RCCD1: variants seen among roughly 807,000 people sequenced by gnomAD.
RCCD1 encodes the protein RCC1 domain containing 1.
In RCCD1, 40 loss-of-function variants were observed where a neutral mutation model predicts 37.6. The ratio of observed to expected loss-of-function variants is 1.06; its 90% CI spans 0.83 to 1.39. The LOEUF (loss-of-function observed/expected upper bound fraction) is 1.39. Among genes scored for constraint, RCCD1 ranks in the 40% most tolerant of loss-of-function variants. The pLI is 0.00. For synonymous variants in RCCD1, 263 were observed against 230.0 expected, an observed-to-expected ratio of 1.14 and a Z score of -1.30; for missense variants, 577 against 517.3, an observed-to-expected ratio of 1.12 and a Z score of -1.12.
Position 90,956,620 on chromosome 15 carries a change from G to C in RCCD1, c.-115G>C. ...GTTTCTCCATTTTACAGATAAGGCA[G>C]CTCCAGCCCCTGGAAGGCCAGAGAC... On this transcript the variant is annotated 5_prime_UTR_variant, in exon 2 of 8. Coordinates refer to ENST00000394258, the MANE Select transcript of RCCD1 (RefSeq NM_001017919.2). The C allele has an allele frequency of 3.1e-6, 3 of 981,068 alleles. No individual in the cohort carries two copies. The highest frequency in any genetic ancestry group is 2.6e-6 in the Non-Finnish European group (2 of 759,614). 60.8% of individuals were successfully genotyped at this position (981,068 alleles called of 1,614,324 possible). A position where few individuals can be genotyped will look rare whatever the true frequency, so the allele number is the denominator to read the frequency against.
intron 3 of RCCD1, 26 bp from the exon 4 acceptor site, chr15:90,957,578 A>C: frequency 6.2e-7 from 1 of 1,613,710 alleles, no homozygotes; most frequent in Non-Finnish European, 8.5e-7. Flanking sequence ...ATGCGACTGT[A>C]GCTGACGACG....
chr15:90,961,564 A>C lies in RCCD1; in HGVS notation c.980-54A>C, dbSNP rs1354164765. 3 of 1,562,502 alleles carry C rather than the reference A, an allele frequency of 1.9e-6. No individual in the cohort carries two copies. In the African/African-American group the frequency reaches 4.1e-5, roughly 21 times the overall value. On this transcript the variant is annotated intron_variant, in intron 7 of 7. Coordinates refer to ENST00000394258, the MANE Select transcript of RCCD1 (RefSeq NM_001017919.2). ...TAGTCTGGGCCCCTTCCTGGAGGGA[A>C]AGCAGCAGCAAGACCCAGTGGAGAC...
At chr15:90,956,951 G>T (rs773345233) in intron 2 of RCCD1, 51 bp downstream of exon 2, 2 of 1,263,042 alleles carry the variant, frequency 1.6e-6, no homozygotes, top group East Asian at 6.3e-5. Context: ...CTCCCCAGTC[G>T]CCTCCCCGCA....
chr15:90,959,952 G>T lies in RCCD1; in HGVS notation c.732G>T (p.Leu244=), dbSNP rs2037280240. 1.2e-6 allele frequency: 2 copies of T among 1,613,760 alleles called. No individual in the cohort carries two copies. The highest frequency in any genetic ancestry group is 1.7e-6 in the Non-Finnish European group (2 of 1,179,890). Residue 244 remains leucine, a synonymous_variant, in exon 5 of 8, where the codon CTG becomes CTT. Coordinates refer to ENST00000394258, the MANE Select transcript of RCCD1 (RefSeq NM_001017919.2). The part of the protein sequence containing the change: ...WGWNESGQLA[L]PTRNLAEDGE... ...GGAATGAATCAGGGCAGCTGGCCCT[G>T]CCCACCAGGAACCTGGCAGAGGATG...
At chr15:90,958,272 TTGTC>T (rs902511857) in intron 4 of RCCD1, among the ~76,000 whole-genome samples, 26 of 152,092 alleles carry the variant, frequency 1.7e-4, no homozygotes, top group African/African-American at 6.3e-4. Context: ...CAGATGATCT[TTGTC>T]TGTGTCTGGG....
In RCCD1 at chr15:90,956,838, T is replaced by TGCGG. The variant is rs1020521754; in HGVS notation, c.112_115dup (p.Val39GlyfsTer91). ...CGCCAGGTGCACAGCCCCAGTCCGC[T>TGCGG]GCGGGCGGGCGTCGACATCTGCCGC... On this transcript the variant is annotated frameshift_variant, in exon 2 of 8. Coordinates refer to ENST00000394258, the MANE Select transcript of RCCD1 (RefSeq NM_001017919.2). LOFTEE classifies it high-confidence loss of function. 23 of 1,296,956 alleles carry TGCGG rather than the reference T, an allele frequency of 1.8e-5. No individual in the cohort carries two copies. The highest frequency in any genetic ancestry group is 1.9e-5 in the Non-Finnish European group (19 of 1,022,482). The allele number at this position is 1,296,956 out of a possible 1,614,324, so 80.3% of individuals were successfully genotyped here. A position where few individuals can be genotyped will look rare whatever the true frequency, so the allele number is the denominator to read the frequency against.
At chr15:90,960,968 A>G in intron 6 of RCCD1, 57 bp from the exon 7 acceptor site, 1 of 1,577,484 alleles carries the variant, frequency 6.3e-7, no homozygotes, top group Non-Finnish European at 8.7e-7. Flanking sequence ...GCTGGGCTGG[A>G]CAGATGCCTT....
At chr15:90,959,780 G>T in intron 4 of RCCD1, 120 bp from the exon 5 acceptor site, 1 of 722,016 alleles carries the variant, frequency 1.4e-6, no homozygotes. Context: ...TTGGCCTGGA[G>T]TGCTACCTTG....
In RCCD1 at chr15:90,956,757, C is replaced by A. The variant is rs1245579377; in HGVS notation, c.23C>A (p.Ala8Asp). Reference protein sequence around the residue: MAEERPGAWFGFGFCGFG... With the variant: MAEERPGDWFGFGFCGFG... Reference sequence around the variant, plus strand: ...GGCATGGCGGAGGAGCGGCCGGGGGCCTGGTTCGGCTTCGGTTTCTGCGGC... The same window carrying A: ...GGCATGGCGGAGGAGCGGCCGGGGGACTGGTTCGGCTTCGGTTTCTGCGGC... The change falls in exon 2 of 8, where the codon GCC becomes GAC. Residue 8 changes from alanine to aspartate, a missense_variant. Physicochemically the swap from Ala to Asp is moderately radical, Grantham distance 126. Coordinates refer to ENST00000394258, the MANE Select transcript of RCCD1 (RefSeq NM_001017919.2). The A allele has an allele frequency of 7.5e-7, 1 of 1,327,748 alleles. No homozygotes were observed. The highest frequency in any genetic ancestry group is 9.6e-7 in the Non-Finnish European group (1 of 1,038,738). 82.2% of individuals were successfully genotyped at this position (1,327,748 alleles called of 1,614,324 possible).
intron 2 of RCCD1, 74 bp downstream of exon 2, chr15:90,956,974 G>A: frequency 7.8e-7 from 1 of 1,284,232 alleles, no homozygotes; most frequent in Non-Finnish European, 9.8e-7. Context: ...GCTGTGGCCA[G>A]TCCAGTTTGT....
chr15:90,957,557 G>C lies in RCCD1; in HGVS notation c.558-47G>C, dbSNP rs751611051. 2.5e-6 allele frequency: 4 copies of C among 1,611,584 alleles called. No individual in the cohort carries two copies. The South Asian group carries it at 3.3e-5, about 13-fold the overall frequency. On this transcript the variant is annotated intron_variant, in intron 3 of 7. Coordinates refer to ENST00000394258, the MANE Select transcript of RCCD1 (RefSeq NM_001017919.2). ...TGCTGATTGGAGAAGCAAGCGGAGC[G>C]GGACCCCTTAATGCGACTGTAGCTG...
intron 4 of RCCD1, 98 bp downstream of exon 4, chr15:90,957,823 CA>C: frequency 1.4e-6 from 2 of 1,452,734 alleles, no homozygotes; most frequent in Non-Finnish European, 1.9e-6. Flanking sequence ...GGCCTCCTTC[CA>C]AATTCATCCA....
chr15:90,958,797 C>CGG (rs1433381987), intron 4 of RCCD1, among the ~76,000 whole-genome samples: 1 of 148,794 alleles, frequency 6.7e-6, no homozygotes, highest in African/African-American at 2.5e-5. Flanking sequence ...CTGGGCGTGG[C>CGG]GGCTCGTGCC....
Position 90,956,907 on chromosome 15 carries a change from A to G in RCCD1, c.166+7A>G, listed in dbSNP as rs1303449287. The stretch of plus-strand genomic sequence containing the variant: ...TACACCGCTTTCGTGACCCGTGAGC[A>G]CTCCCCGCCCCGTCCCCACTTATTC... On this transcript the variant is annotated splice_region_variant and intron_variant, in intron 2 of 7. Transcript: ENST00000394258. 2 of 1,277,362 alleles carry G rather than the reference A, an allele frequency of 1.6e-6. No individual in the cohort carries two copies. The highest frequency in any genetic ancestry group is 3.7e-5 in the Admixed American group (1 of 27,118). 79.1% of individuals were successfully genotyped at this position (1,277,362 alleles called of 1,614,324 possible).
chr15:90,963,018 G>C lies in RCCD1; in HGVS notation c.*1249G>C, dbSNP rs1027244723. The C allele has an allele frequency of 2.0e-5, 3 of 152,040 alleles. No individual in the cohort carries two copies. Among genetic ancestry groups the C allele is most frequent in the Non-Finnish European group, 2.9e-5 (2 of 68,006 alleles). The allele number at this position is 152,040 out of a possible 1,614,324, so 9.4% of individuals were successfully genotyped here. On this transcript the variant is annotated 3_prime_UTR_variant, in exon 8 of 8. Coordinates refer to ENST00000394258, the MANE Select transcript of RCCD1 (RefSeq NM_001017919.2). ...TCTATTTGTGCATGTGTGTGTCTGT[G>C]GTTTAGCAAATGTTTCCCACCCATG...
chr15:90,955,740 C>T (rs1430675002), intron 1 of RCCD1: 1 of 150,824 alleles, frequency 6.6e-6, no homozygotes, highest in African/African-American at 2.5e-5. Flanking sequence ...GCCGAATCTG[C>T]TTGAAGTTGG....
At chr15:90,956,414 C>CT (rs1184037234) in intron 1 of RCCD1, among the ~76,000 whole-genome samples, 198 bp from the exon 2 acceptor site, 1 of 152,208 alleles carries the variant, frequency 6.6e-6, no homozygotes, top group Non-Finnish European at 1.5e-5. Context: ...AGTCCAATGC[C>CT]TAAAGGACAG....
chr15:90,955,727 C>T (rs927184587), intron 1 of RCCD1: 6 of 151,026 alleles, frequency 4.0e-5, no homozygotes, highest in African/African-American at 1.5e-4. Context: ...CAAACCCGCT[C>T]CAGCCGAATC....
At chr15:90,961,472 A>C (rs561751078) in intron 7 of RCCD1, 146 bp from the exon 8 acceptor site, 34 of 921,000 alleles carry the variant, frequency 3.7e-5, no homozygotes, top group South Asian at 7.2e-5. Context: ...GGGATCCCCA[A>C]GGTTGCCTGG....
Sources: allele counts gnomAD v4.1 joint callset (sites outside exome capture counted in the v4.1 genomes callset), GRCh38; gene constraint gnomAD v4.1.1; transcripts MANE v1.5; gene names NCBI Gene and HGNC (gene_info 2026-07-23, HGNC 2026-07-21).